TIAM2: variants seen among roughly 807,000 people sequenced by gnomAD.
The protein encoded by TIAM2 is rho guanine nucleotide exchange factor TIAM2.
TIAM2 carries 80 observed loss-of-function variants against 152.9 expected under a neutral mutation model. The ratio of observed to expected loss-of-function variants is 0.52; its 90% CI spans 0.44 to 0.63. The LOEUF (loss-of-function observed/expected upper bound fraction) is 0.63, where lower values mean the gene tolerates loss of function less well. TIAM2 is among the 30% of genes least tolerant of loss of function. The probability of loss-of-function intolerance (pLI) is 0.00; values close to 1 mark genes in which losing one functional copy is unlikely to be tolerated. For synonymous variants in TIAM2, 804 were observed against 838.0 expected (o/e 0.96, Z 0.70); for missense variants, 1,965 against 2,120.1 (o/e 0.93, Z 1.44).
chr6:155,021,241 A>G (rs576256594), intron 1 of TIAM2, among the ~76,000 whole-genome samples: 8 of 152,226 alleles, frequency 5.3e-5, no homozygotes, highest in African/African-American at 1.9e-4. Context: ...TGGGGATATA[A>G]ACTGAGAAGT....
chr6:155,206,299 G>A (rs2115200459), intron 14 of TIAM2, among the ~76,000 whole-genome samples: 1 of 152,316 alleles, frequency 6.6e-6, no homozygotes, highest in Admixed American at 6.5e-5. Context: ...CCAGGCTGGA[G>A]TGCAGTGGTG....
At chr6:155,030,521 G>A (rs528253059) in intron 1 of TIAM2, among the ~76,000 whole-genome samples, 13 of 152,156 alleles carry the variant, frequency 8.5e-5, no homozygotes, top group Non-Finnish European at 1.8e-4. Context: ...TTTAACCTGC[G>A]TCCAAACCGC....
intron 13 of TIAM2, among the ~76,000 whole-genome samples, 159 bp downstream of exon 13, chr6:155,182,477 C>T (rs1583234824): frequency 6.6e-6 from 1 of 152,174 alleles, no homozygotes; most frequent in African/African-American, 2.4e-5. Flanking sequence ...TGCGACCAAA[C>T]ACAGCGGCTC....
rs57280691 is a variant in TIAM2, at chr6:154,997,629, ATTTTTTTTTTTT to A, written c.-209+2155_-209+2166del. Among the ~76,000 whole-genome samples the A allele has an allele frequency of 5.1e-3, 316 of 62,128 alleles. 2 individuals carry two copies. Among genetic ancestry groups the A allele is most frequent in the African/African-American group, 0.019 (283 of 14,670 alleles). The allele number at this position is 62,128 out of a possible 152,430, so 40.8% of individuals were successfully genotyped here. On this transcript the variant is annotated intron_variant, in intron 1 of 26. Coordinates refer to ENST00000682666, the MANE Select transcript of TIAM2 (RefSeq NM_012454.4). The stretch of plus-strand genomic sequence containing the variant: ...CCGTGAACGAGTGAAGAAAGAATGG[ATTTTTTTTTTTT>A]TTTTTTTTTTTTTTTTTGAGACAGG...
At chr6:155,096,678 C>T (rs755422849) in intron 2 of TIAM2, among the ~76,000 whole-genome samples, 1 of 152,146 alleles carries the variant, frequency 6.6e-6, no homozygotes, top group African/African-American at 2.4e-5. Context: ...CTGCAAATGA[C>T]AGGATTTCAT....
intron 9 of TIAM2, among the ~76,000 whole-genome samples, chr6:155,168,293 TTC>T (rs1418266541): frequency 6.6e-6 from 1 of 152,218 alleles, no homozygotes; most frequent in African/African-American, 2.4e-5. Context: ...ATTTTGTTGG[TTC>T]TGTTTCACAC....
At position 155,257,305 on chromosome 6, in the gene TIAM2, G is replaced by GATGA; in HGVS notation, c.*186_*189dup. On this transcript the variant is annotated 3_prime_UTR_variant, in exon 27 of 27. Coordinates refer to ENST00000682666, the MANE Select transcript of TIAM2 (RefSeq NM_012454.4). ...TAATTTATTGTGGATCAGAAACCTA[G>GATGA]ATGAAACTGGTCAGAATCTGTAAAT... 1.5e-6 allele frequency: 1 copy of GATGA among 669,594 alleles called. No homozygotes were observed. The highest frequency in any genetic ancestry group is 2.4e-6 in the Non-Finnish European group (1 of 410,214). The allele number at this position is 669,594 out of a possible 1,614,324, so 41.5% of individuals were successfully genotyped here.
Position 155,047,965 on chromosome 6 carries a change from G to GT in TIAM2, c.-208-42317dup, listed in dbSNP as rs1211783918. Among the ~76,000 whole-genome samples the GT allele has an allele frequency of 9.2e-5, 14 of 152,198 alleles. No homozygotes were observed. The East Asian group carries it at 2.5e-3, about 27-fold the overall frequency. On this transcript the variant is annotated intron_variant, in intron 1 of 26. Coordinates refer to ENST00000682666, the MANE Select transcript of TIAM2 (RefSeq NM_012454.4). ...AAGGGTTATTTTATTTTATTTATTT[G>GT]TTTTTTTGAGACACAGTCTTGCTGT...
At chr6:155,217,793 T>G (rs1341498305) in intron 15 of TIAM2, among the ~76,000 whole-genome samples, 1 of 152,230 alleles carries the variant, frequency 6.6e-6, no homozygotes, top group Non-Finnish European at 1.5e-5. Flanking sequence ...TAATCTTGTT[T>G]AAGATATAAT....
chr6:155,005,656 CTTTTT>C (rs1158345350), intron 1 of TIAM2, among the ~76,000 whole-genome samples: 1 of 126,600 alleles, frequency 7.9e-6, no homozygotes, highest in African/African-American at 2.9e-5. Flanking sequence ...GAATTCTTTA[CTTTTT>C]TTTTTTTTTT....
At chr6:155,187,573 CTTTTTTTT>C (rs59818801) in intron 14 of TIAM2, among the ~76,000 whole-genome samples, 2 of 49,614 alleles carry the variant, frequency 4.0e-5, no homozygotes, top group East Asian at 6.6e-4. Context: ...ACCCCGCCCC[CTTTTTTTT>C]TTTTTTTTTT....
chr6:155,114,050 C>CTTTTTTTTT (rs1275422426), intron 2 of TIAM2, among the ~76,000 whole-genome samples: 19 of 58,258 alleles, frequency 3.3e-4, no homozygotes, highest in Non-Finnish European at 3.7e-4. Flanking sequence ...TTTTTTTTTT[C>CTTTTTTTTT]TTTTTTTTTT....
rs140907768 is a variant in TIAM2 at position 155,054,087 on chromosome 6, C to T, written c.-208-36202C>T. Among the ~76,000 whole-genome samples, 72 of 152,322 alleles carry T rather than the reference C, an allele frequency of 4.7e-4. 1 individual carries two copies. The East Asian group carries it at 0.011, about 24-fold the overall frequency. ...GCTTGGGAGGCTGAGGCCGGAGACT[C>T]GTTTGAACCTGGGAGGCGGAAGTGT... On this transcript the variant is annotated intron_variant, in intron 1 of 26. Coordinates refer to ENST00000682666, the MANE Select transcript of TIAM2 (RefSeq NM_012454.4).
chr6:155,164,357 G>T, intron 7 of TIAM2, 58 bp from the exon 8 acceptor site: 1 of 1,503,058 alleles, frequency 6.7e-7, no homozygotes, highest in Non-Finnish European at 9.0e-7. Flanking sequence ...TCACATTTTC[G>T]TTTTAACCTG....
intron 1 of TIAM2, among the ~76,000 whole-genome samples, chr6:155,023,044 T>G (rs1340884049): frequency 1.2e-5 from 1 of 86,530 alleles, no homozygotes; most frequent in Admixed American, 1.1e-4. Flanking sequence ...TTTGTTCTGT[T>G]TTTTTTTTTT....
At chr6:155,168,865 C>T (rs1209874953) in intron 9 of TIAM2, 2 of 1,535,680 alleles carry the variant, frequency 1.3e-6, no homozygotes, top group South Asian at 2.4e-5. Flanking sequence ...CAAGTGGCAG[C>T]CATGGATTTT....
rs551434752 is a variant in TIAM2, at chr6:155,000,982, T to TCAAA, written c.-209+5503_-209+5506dup. Reference sequence around the variant, plus strand: ...CTGGGCGACAGAGCGAGACCCCATCTCAAACAAACAAACAAAAAAAGAAAC... The same window carrying TCAAA: ...CTGGGCGACAGAGCGAGACCCCATCTCAAACAAACAAACAAACAAAAAAAGAAAC... On this transcript the variant is annotated intron_variant, in intron 1 of 26. Coordinates refer to ENST00000682666, the MANE Select transcript of TIAM2 (RefSeq NM_012454.4). Among the ~76,000 whole-genome samples the TCAAA allele has an allele frequency of 1.7e-4, 26 of 152,226 alleles. 1 individual carries two copies. In the South Asian group the frequency reaches 5.4e-3, roughly 32 times the overall value.
At chr6:155,208,809 A>T (rs576354442) in intron 14 of TIAM2, among the ~76,000 whole-genome samples, 1 of 151,972 alleles carries the variant, frequency 6.6e-6, no homozygotes, top group South Asian at 2.1e-4. Flanking sequence ...TGTACCTGTG[A>T]TGTCACTGTG....
chr6:155,253,948 C>T (rs952594473), intron 24 of TIAM2, 25 bp from the exon 25 acceptor site: 2 of 1,597,756 alleles, frequency 1.3e-6, no homozygotes, highest in Non-Finnish European at 1.7e-6. Context: ...GTTGTAGACT[C>T]TTGTTTCCAT....
Sources: allele counts gnomAD v4.1 joint callset (sites outside exome capture counted in the v4.1 genomes callset), GRCh38; gene constraint gnomAD v4.1.1; transcripts MANE v1.5; gene names NCBI Gene and HGNC (gene_info 2026-07-23, HGNC 2026-07-21).